HDAC9: variants seen among roughly 807,000 people sequenced by gnomAD.
The protein encoded by HDAC9 is histone deacetylase 9.
In HDAC9, 41 loss-of-function variants were observed where a neutral mutation model predicts 139.4. The observed-to-expected ratio is 0.29, with a 90% confidence interval of 0.23 to 0.38. HDAC9 has a LOEUF of 0.38. HDAC9 is among the 10% of genes least tolerant of loss of function. HDAC9 has a pLI of 1.00. For missense variants in HDAC9, 1,147 were observed against 1,297.0 expected (o/e 0.88, Z 1.78); for synonymous variants, 517 against 476.2 (o/e 1.09, Z -1.12).
chr7:18,644,401 A>G (rs1786697624), intron 8 of HDAC9, among the ~76,000 whole-genome samples: 1 of 152,162 alleles, frequency 6.6e-6, no homozygotes, highest in South Asian at 2.1e-4. Context: ...CAGATGACAA[A>G]CATGCTGACC....
intron 2 of HDAC9, among the ~76,000 whole-genome samples, chr7:18,507,946 A>G (rs1394664979): frequency 6.6e-6 from 1 of 151,936 alleles, no homozygotes; most frequent in East Asian, 1.9e-4. Flanking sequence ...CATCCTGACC[A>G]CTCTTTTAAT....
intron 16 of HDAC9, among the ~76,000 whole-genome samples, chr7:18,771,996 C>T (rs985289143): frequency 5.9e-5 from 9 of 152,076 alleles, no homozygotes; most frequent in Non-Finnish European, 1.2e-4. Flanking sequence ...CATGCAAAAA[C>T]GAATGAGCAA....
intron 22 of HDAC9, among the ~76,000 whole-genome samples, chr7:18,885,512 C>G (rs575393999): frequency 6.6e-6 from 1 of 152,096 alleles, no homozygotes; most frequent in African/African-American, 2.4e-5. Context: ...CAAAATTTTA[C>G]AACCGTTTAT....
At chr7:18,414,813 T>C (rs1470022842) in intron 1 of HDAC9, among the ~76,000 whole-genome samples, 5 of 152,232 alleles carry the variant, frequency 3.3e-5, no homozygotes, top group Non-Finnish European at 1.5e-5. Flanking sequence ...CTATCCTGGT[T>C]GACTTTACAT....
intron 1 of HDAC9, among the ~76,000 whole-genome samples, chr7:18,326,051 T>C (rs138255820): frequency 6.9e-4 from 105 of 152,278 alleles, no homozygotes; most frequent in African/African-American, 2.5e-3. Context: ...CTGGGTTTTG[T>C]TCTTGATACA....
chr7:18,266,112 G>A (rs1420164285), intron 2 of HDAC9, among the ~76,000 whole-genome samples: 1 of 152,074 alleles, frequency 6.6e-6, no homozygotes, highest in African/African-American at 2.4e-5. Context: ...AAAAATGTGT[G>A]TCACTAAATT....
intron 16 of HDAC9, among the ~76,000 whole-genome samples, chr7:18,776,210 T>C (rs902564188): frequency 6.6e-6 from 1 of 152,066 alleles, no homozygotes; most frequent in Non-Finnish European, 1.5e-5. Flanking sequence ...CCCAAACTGC[T>C]AGGATTAGAG....
At chr7:18,247,415 G>GA (rs1299399274) in intron 2 of HDAC9, among the ~76,000 whole-genome samples, 1 of 152,020 alleles carries the variant, frequency 6.6e-6, no homozygotes, top group Non-Finnish European at 1.5e-5. Flanking sequence ...GCCATGTAAT[G>GA]AAAGTAAACC....
In HDAC9 at chr7:18,732,933, GTA is replaced by G. The variant is rs199670412; in HGVS notation, c.1909+5178_1909+5179del. 1.3e-3 allele frequency among the ~76,000 whole-genome samples: 122 copies of G among 93,582 alleles called. 11 individuals are homozygous for G. The highest frequency in any genetic ancestry group is 7.8e-3 in the East Asian group (12 of 1,538). 61.4% of individuals were successfully genotyped at this position (93,582 alleles called of 152,430 possible). On this transcript the variant is annotated intron_variant, in intron 13 of 25. Coordinates refer to ENST00000686413, the MANE Select transcript of HDAC9 (RefSeq NM_178425.4). ...CGTATGTGTATACACACGTGTGTAT[GTA>G]TGTGTATACACACGTGTATGTGTGT...
chr7:18,267,418 A>G (rs1006480631), intron 2 of HDAC9, among the ~76,000 whole-genome samples: 2 of 152,046 alleles, frequency 1.3e-5, no homozygotes, highest in East Asian at 1.9e-4. Flanking sequence ...CCGAAACTTT[A>G]TATCTTTTGA....
At chr7:18,583,489 C>A (rs1469220442) in intron 2 of HDAC9, among the ~76,000 whole-genome samples, 1 of 151,624 alleles carries the variant, frequency 6.6e-6, no homozygotes, top group African/African-American at 2.4e-5. Flanking sequence ...GGAGCTCAGG[C>A]AGGAGGATCA....
chr7:18,926,445 A>G (rs540256122), intron 22 of HDAC9, among the ~76,000 whole-genome samples: 25 of 152,324 alleles, frequency 1.6e-4, no homozygotes, highest in African/African-American at 6.0e-4. Context: ...TTAAATATTC[A>G]TTTCAAACCT....
At chr7:18,638,489 C>A (rs995503380) in intron 8 of HDAC9, among the ~76,000 whole-genome samples, 3 of 151,972 alleles carry the variant, frequency 2.0e-5, no homozygotes, top group African/African-American at 7.2e-5. Context: ...GCTCCAAAAC[C>A]GGCTACCTTG....
chr7:18,283,388 A>T (rs759507305), intron 2 of HDAC9, among the ~76,000 whole-genome samples: 18 of 152,324 alleles, frequency 1.2e-4, no homozygotes, highest in Non-Finnish European at 2.4e-4. Flanking sequence ...CCAATATGTG[A>T]GGATTACAAT....
intron 21 of HDAC9, among the ~76,000 whole-genome samples, chr7:18,844,321 C>A (rs1394601757): frequency 6.6e-6 from 1 of 152,102 alleles, no homozygotes; most frequent in African/African-American, 2.4e-5. Context: ...GAAAGACTTA[C>A]CAAAATGGCA....
chr7:18,138,527 GGTGTGT>G (rs71014309), intron 1 of HDAC9, among the ~76,000 whole-genome samples: 17 of 142,584 alleles, frequency 1.2e-4, no homozygotes, highest in African/African-American at 2.6e-4. Context: ...GAGAGAGAGA[GGTGTGT>G]GTGTGTGTGT....
intron 2 of HDAC9, among the ~76,000 whole-genome samples, chr7:18,245,351 C>G (rs917330): frequency 0.67 from 102,398 of 152,100 alleles, 35,232 homozygotes; most frequent in South Asian, 0.84. Context: ...CCTGACTTTT[C>G]TATGTATCTG....
At chr7:18,730,857 T>C (rs1480303748) in intron 13 of HDAC9, among the ~76,000 whole-genome samples, 1 of 152,230 alleles carries the variant, frequency 6.6e-6, no homozygotes, top group Non-Finnish European at 1.5e-5. Flanking sequence ...GGAAGCCCTT[T>C]AAGGCTTGTC....
chr7:18,396,427 A>G (rs1452565557), intron 1 of HDAC9, among the ~76,000 whole-genome samples: 1 of 152,160 alleles, frequency 6.6e-6, no homozygotes, highest in Non-Finnish European at 1.5e-5. Context: ...CATTCAGCAC[A>G]GGATATATAG....
Sources: gnomAD v4.1 joint callset for allele counts (sites outside exome capture counted in the v4.1 genomes callset) on GRCh38, gnomAD v4.1.1 for gene constraint, MANE v1.5 for transcripts, NCBI Gene and HGNC (gene_info 2026-07-23, HGNC 2026-07-21) for gene names.